The following DOCK1 variants were observed in gnomAD, a reference collection of about 807,000 sequenced individuals.
The protein encoded by DOCK1 is dedicator of cytokinesis protein 1.
In DOCK1, 138 loss-of-function variants were observed where a neutral mutation model predicts 262.7. The ratio of observed to expected loss-of-function variants is 0.53; its 90% CI spans 0.46 to 0.61. The LOEUF (loss-of-function observed/expected upper bound fraction) is 0.61, where lower values mean the gene tolerates loss of function less well. Ranked by LOEUF, DOCK1 falls within the 20% of genes least tolerant of loss-of-function variation. The pLI is 0.00. For missense variants in DOCK1, 1,908 were observed against 2,370.7 expected (o/e 0.80, Z 4.05); for synonymous variants, 866 against 867.4 (o/e 1.00, Z 0.03).
At chr10:127,442,585 C>T (rs562781469) in intron 49 of DOCK1, among the ~76,000 whole-genome samples, 36 of 152,262 alleles carry the variant, frequency 2.4e-4, no homozygotes, top group Non-Finnish European at 4.4e-4. Context: ...AAGTCAAGTG[C>T]CTCCAAAAGC....
At chr10:127,405,179 C>G (rs1259650087) in intron 40 of DOCK1, among the ~76,000 whole-genome samples, 2 of 152,198 alleles carry the variant, frequency 1.3e-5, no homozygotes, top group African/African-American at 2.4e-5. Context: ...GGAAATGGAT[C>G]TGTATGGCCA....
Position 126,930,368 on chromosome 10 carries a change from C to T in DOCK1, c.46+24805C>T, listed in dbSNP as rs1351602074. On this transcript the variant is annotated intron_variant, in intron 1 of 51. Coordinates refer to ENST00000623213, the MANE Select transcript of DOCK1 (RefSeq NM_001290223.2). ...CACTTCTGTGTTTCATTTAGTTGCA[C>T]GATTCTTGGACACAGCAGCAAAGGC... Among the ~76,000 whole-genome samples the T allele has an allele frequency of 2.0e-5, 3 of 152,214 alleles. No individual in the cohort carries two copies. The East Asian group carries it at 5.8e-4, about 29-fold the overall frequency.
At position 127,175,062 on chromosome 10, in the gene DOCK1, G is replaced by A. The variant is rs960116710; in HGVS notation, c.2847+47298G>A. On this transcript the variant is annotated intron_variant, in intron 27 of 51. Coordinates refer to ENST00000623213, the MANE Select transcript of DOCK1 (RefSeq NM_001290223.2). This position sits in a 1 kb window ranked among gnomAD's most constrained non-coding sequence, Gnocchi z 6.3. ...CGTCTAGTATCATAAAATAATCTGC[G>A]ACCCCTTGGAGCTCGCCACGCCCTT... 26 of 671,398 alleles carry A rather than the reference G, an allele frequency of 3.9e-5. No individual in the cohort carries two copies. The highest frequency in any genetic ancestry group is 3.4e-4 in the African/African-American group (19 of 55,692). The allele number at this position is 671,398 out of a possible 1,614,324, so 41.6% of individuals were successfully genotyped here. A position where few individuals can be genotyped will look rare whatever the true frequency, so the allele number is the denominator to read the frequency against.
chr10:127,064,886 C>T (rs1482963442), intron 23 of DOCK1, among the ~76,000 whole-genome samples: 1 of 152,218 alleles, frequency 6.6e-6, no homozygotes, highest in Admixed American at 6.5e-5. Flanking sequence ...GAACTCCAGC[C>T]CCATCAAACA....
chr10:127,069,751 C>T (rs1237583631), intron 23 of DOCK1, among the ~76,000 whole-genome samples: 4 of 152,184 alleles, frequency 2.6e-5, no homozygotes, highest in Non-Finnish European at 5.9e-5. Context: ...AAGGACTACA[C>T]TTGTTGAGAA....
At chr10:127,178,066 G>A (rs2055348699) in intron 27 of DOCK1, among the ~76,000 whole-genome samples, 3 of 152,102 alleles carry the variant, frequency 2.0e-5, no homozygotes, top group Admixed American at 1.3e-4. Flanking sequence ...ATGACAGGCC[G>A]AGGTGCACGG....
intron 29 of DOCK1, among the ~76,000 whole-genome samples, chr10:127,304,786 G>A (rs2061813820): frequency 6.6e-6 from 1 of 152,116 alleles, no homozygotes; most frequent in African/African-American, 2.4e-5. Flanking sequence ...GGAGGCTGAA[G>A]TGGGAGAGTC....
chr10:127,141,367 A>G (rs2051225276), intron 27 of DOCK1, among the ~76,000 whole-genome samples: 1 of 152,158 alleles, frequency 6.6e-6, no homozygotes, highest in Non-Finnish European at 1.5e-5. Flanking sequence ...GCAGTTGCCT[A>G]CGTAATATTG....
chr10:127,085,486 G>A (rs567570488), intron 23 of DOCK1, among the ~76,000 whole-genome samples: 20 of 152,148 alleles, frequency 1.3e-4, no homozygotes, highest in Non-Finnish European at 2.5e-4. Context: ...TTGGCCGGGC[G>A]CGGTGGCTCA....
At chr10:127,363,364 G>T (rs58343112) in intron 33 of DOCK1, among the ~76,000 whole-genome samples, 10,120 of 152,108 alleles carry the variant, frequency 0.067, 1,056 homozygotes, top group African/African-American at 0.23. Context: ...ACAAAAATTA[G>T]TGAGGCATGG....
Position 127,106,293 on chromosome 10 carries a change from A to G in DOCK1, c.2508A>G (p.Lys836=). The change falls in exon 24 of 52, where the codon AAA becomes AAG. Residue 836 remains lysine, a synonymous_variant. Coordinates refer to ENST00000623213, the MANE Select transcript of DOCK1 (RefSeq NM_001290223.2). ...ATGTGAAATTGGTGTTTGATCCCAA[A>G]GAGCTCAGGTAAGTATGCAGCCCAG... ...VNDVKLVFDP[K]ELSKMFTEFI... 1 of 1,596,698 alleles carries G rather than the reference A, an allele frequency of 6.3e-7. No homozygotes were observed. The highest frequency in any genetic ancestry group is 8.5e-7 in the Non-Finnish European group (1 of 1,170,552).
In DOCK1 at chr10:126,990,541, G is replaced by A. The variant is rs2039716899; in HGVS notation, c.411G>A (p.Leu137=). 6.2e-7 allele frequency: 1 copy of A among 1,613,748 alleles called. No homozygotes were observed. Among genetic ancestry groups the A allele is most frequent in the Non-Finnish European group, 8.5e-7 (1 of 1,179,858 alleles). The part of the protein sequence containing the change: ...EWRSQILSGT[L]PQDELKELKK... Reference sequence around the variant, plus strand: ...GATCACAAATTCTTTCTGGAACTCTGCCTCAGGATGAACTCAAAGAACTGA... The same window carrying A: ...GATCACAAATTCTTTCTGGAACTCTACCTCAGGATGAACTCAAAGAACTGA... The change falls in exon 6 of 52, where the codon CTG becomes CTA. Residue 137 remains leucine, a synonymous_variant. Coordinates refer to ENST00000623213, the MANE Select transcript of DOCK1 (RefSeq NM_001290223.2).
At chr10:127,143,152 C>G (rs2051437155) in intron 27 of DOCK1, among the ~76,000 whole-genome samples, 1 of 152,190 alleles carries the variant, frequency 6.6e-6, no homozygotes, top group African/African-American at 2.4e-5. Flanking sequence ...ACTGAATCCT[C>G]AAGATAATTT....
At chr10:127,150,407 AG>A (rs1216191928) in intron 27 of DOCK1, among the ~76,000 whole-genome samples, 1 of 152,162 alleles carries the variant, frequency 6.6e-6, no homozygotes, top group Admixed American at 6.5e-5. Context: ...CTCAGCCACC[AG>A]GGCAGAATCA....
At chr10:127,342,786 TG>T (rs10706878) in intron 30 of DOCK1, among the ~76,000 whole-genome samples, 62,709 of 151,776 alleles carry the variant, frequency 0.41, 13,506 homozygotes, top group Middle Eastern at 0.54. Context: ...ACCGCATATA[TG>T]TAGTCCATAA....
Position 126,923,994 on chromosome 10 carries a change from AT to A in DOCK1, c.46+18433del, listed in dbSNP as rs1271335537. Among the ~76,000 whole-genome samples, 3 of 152,346 alleles carry A rather than the reference AT, an allele frequency of 2.0e-5. No homozygotes were observed. In the East Asian group the frequency reaches 5.8e-4, roughly 29 times the overall value. ...CCACAACTGTGGGAAATGAATTTCC[AT>A]TGTTTGTAAGCTGCCTGGTTTATGA... On this transcript the variant is annotated intron_variant, in intron 1 of 51. Coordinates refer to ENST00000623213, the MANE Select transcript of DOCK1 (RefSeq NM_001290223.2).
chr10:127,068,671 T>C (rs2135900766), intron 23 of DOCK1, among the ~76,000 whole-genome samples: 1 of 152,354 alleles, frequency 6.6e-6, no homozygotes, highest in Middle Eastern at 3.4e-3. Context: ...ATTTTTGTTT[T>C]TACAGTGATG....
intron 1 of DOCK1, among the ~76,000 whole-genome samples, chr10:126,950,440 C>A (rs1287367679): frequency 1.3e-5 from 2 of 152,000 alleles, no homozygotes; most frequent in Non-Finnish European, 2.9e-5. Flanking sequence ...GACTGGGGTT[C>A]CATTCATGGG....
At chr10:127,369,866 T>C (rs2065115896) in intron 33 of DOCK1, among the ~76,000 whole-genome samples, 1 of 152,188 alleles carries the variant, frequency 6.6e-6, no homozygotes, top group Admixed American at 6.5e-5. Context: ...CATAAAGATA[T>C]GAATGTGTCT....
Sources: allele counts gnomAD v4.1 joint callset (sites outside exome capture counted in the v4.1 genomes callset), GRCh38; gene constraint gnomAD v4.1.1; non-coding constraint Gnocchi (gnomAD v3.1); transcripts MANE v1.5; gene names NCBI Gene and HGNC (gene_info 2026-07-23, HGNC 2026-07-21).